Variants in TOR1AIP1 observed in about 807,000 individuals in gnomAD.
TOR1AIP1 encodes torsin 1A interacting protein 1, also known as torsin-1A-interacting protein 1.
Under a neutral mutation model 63.3 loss-of-function variants are expected in TOR1AIP1, and 54 were observed. That is an observed-to-expected ratio of 0.85 (90% confidence interval 0.69 to 1.07). The LOEUF is 1.07. Ranked by LOEUF, TOR1AIP1 falls within the 50% of genes least tolerant of loss-of-function variation. The probability of loss-of-function intolerance (pLI) is 0.00; values close to 1 mark genes in which losing one functional copy is unlikely to be tolerated. For missense variants in TOR1AIP1, 736 were observed against 715.0 expected, an observed-to-expected ratio of 1.03 and a Z score of -0.33; for synonymous variants, 294 against 273.5, an observed-to-expected ratio of 1.07 and a Z score of -0.74.
At chr1:179,902,226 A>G (rs577984526) in intron 5 of TOR1AIP1, among the ~76,000 whole-genome samples, 5 of 151,512 alleles carry the variant, frequency 3.3e-5, no homozygotes, top group African/African-American at 1.2e-4. Context: ...AGATTTCACC[A>G]TGTTGGCCAG....
At chr1:179,909,873 G>C (rs1648778286) in intron 8 of TOR1AIP1, among the ~76,000 whole-genome samples, 1 of 152,022 alleles carries the variant, frequency 6.6e-6, no homozygotes, top group South Asian at 2.1e-4. Context: ...GGTCATTCTT[G>C]TGCCTTAGCC....
chr1:179,899,675 T>C (rs1398877826), intron 3 of TOR1AIP1, among the ~76,000 whole-genome samples: 1 of 152,210 alleles, frequency 6.6e-6, no homozygotes, highest in African/African-American at 2.4e-5. Flanking sequence ...GACAGAGTCT[T>C]GCTCTGTCGC....
At chr1:179,913,474 C>A in intron 8 of TOR1AIP1, 1 of 656,664 alleles carries the variant, frequency 1.5e-6, no homozygotes, top group South Asian at 1.7e-5. Context: ...AATACTGAAT[C>A]AGTTTGAGGT....
At chr1:179,897,360 T>C (rs1648317073) in intron 3 of TOR1AIP1, among the ~76,000 whole-genome samples, 1 of 152,190 alleles carries the variant, frequency 6.6e-6, no homozygotes, top group Non-Finnish European at 1.5e-5. Flanking sequence ...AGAAAAAAGA[T>C]TGAATTTTAG....
At chr1:179,912,669 C>T (rs1022008131) in intron 8 of TOR1AIP1, among the ~76,000 whole-genome samples, 3 of 151,986 alleles carry the variant, frequency 2.0e-5, no homozygotes, top group African/African-American at 2.4e-5. Context: ...GTTGTAACTT[C>T]GATAACCTAA....
chr1:179,908,971 C>G (rs1648741815), intron 8 of TOR1AIP1, among the ~76,000 whole-genome samples: 1 of 152,078 alleles, frequency 6.6e-6, no homozygotes, highest in Admixed American at 6.6e-5. Flanking sequence ...CGAGACCATC[C>G]TGGCTAACAC....
chr1:179,902,792 G>A (rs549421431), intron 5 of TOR1AIP1, among the ~76,000 whole-genome samples: 67 of 152,234 alleles, frequency 4.4e-4, no homozygotes, highest in African/African-American at 1.6e-3. Flanking sequence ...TATATGCAAA[G>A]CACTTACCTG....
chr1:179,904,117 T>C, intron 6 of TOR1AIP1, 95 bp downstream of exon 6: 4 of 924,114 alleles, frequency 4.3e-6, no homozygotes, highest in Non-Finnish European at 6.5e-6. Flanking sequence ...ACGTAAATAT[T>C]GAACAAGAGG....
At position 179,889,297 on chromosome 1, in the gene TOR1AIP1, C is replaced by G. The variant is rs1647992888; in HGVS notation, c.554-16C>G. ...TTTTATATATTTTTAAATGTTTTCT[C>G]TTCCTATATTAGCAGTGAGTGAAGA... On this transcript the variant is annotated splice_polypyrimidine_tract_variant and intron_variant, in intron 2 of 9. Transcript: ENST00000606911. The G allele has an allele frequency of 6.4e-7, 1 of 1,568,744 alleles. No individual in the cohort carries two copies. Among genetic ancestry groups the G allele is most frequent in the African/African-American group, 1.3e-5 (1 of 74,162 alleles).
chr1:179,893,758 T>C (rs977828148), intron 3 of TOR1AIP1, among the ~76,000 whole-genome samples: 17 of 152,088 alleles, frequency 1.1e-4, no homozygotes, highest in African/African-American at 4.1e-4. Flanking sequence ...CTTAAAACTA[T>C]CTGTACCAGG....
rs1447692609 is a variant in TOR1AIP1, at chr1:179,919,891, A to G, written c.*1652A>G. 1 of 152,212 alleles carries G rather than the reference A, an allele frequency of 6.6e-6. No individual in the cohort carries two copies. 9.4% of individuals were successfully genotyped at this position (152,212 alleles called of 1,614,324 possible). On this transcript the variant is annotated 3_prime_UTR_variant, in exon 10 of 10. Coordinates refer to ENST00000606911, the MANE Select transcript of TOR1AIP1 (RefSeq NM_015602.4). ...AAAACCAGAGTTTTTGAAAAGGCTT[A>G]TTTTATACATACGTATTATATAGAG...
In TOR1AIP1 at chr1:179,890,983, A is replaced by G. The variant is rs368852125; in HGVS notation, c.610+1614A>G. 6.0e-4 allele frequency among the ~76,000 whole-genome samples: 91 copies of G among 152,276 alleles called. 1 individual carries two copies. In the South Asian group the frequency reaches 0.018, roughly 30 times the overall value. Reference sequence around the variant, plus strand: ...ATTAATAGAATACAAGAGTATATATATCTAGTCATTGGCTTGAGAATACTA... The same window carrying G: ...ATTAATAGAATACAAGAGTATATATGTCTAGTCATTGGCTTGAGAATACTA... On this transcript the variant is annotated intron_variant, in intron 3 of 9. Coordinates refer to ENST00000606911, the MANE Select transcript of TOR1AIP1 (RefSeq NM_015602.4).
chr1:179,897,058 G>A (rs986818817), intron 3 of TOR1AIP1, among the ~76,000 whole-genome samples: 1 of 152,002 alleles, frequency 6.6e-6, no homozygotes, highest in Non-Finnish European at 1.5e-5. Flanking sequence ...TTTGTTTTTA[G>A]TGATGGGATC....
In TOR1AIP1 at chr1:179,882,721, G is replaced by A. The variant is rs1376243024; in HGVS notation, c.219G>A (p.Leu73=). 23 of 1,613,822 alleles carry A rather than the reference G, an allele frequency of 1.4e-5. No individual in the cohort carries two copies. The highest frequency in any genetic ancestry group is 1.7e-5 in the Non-Finnish European group (20 of 1,179,844). The change falls in exon 1 of 10, where the codon CTG becomes CTA. Residue 73 remains leucine (L), a synonymous_variant. Coordinates refer to ENST00000606911, the MANE Select transcript of TOR1AIP1 (RefSeq NM_015602.4). ...AAGTGTACGGCGACTTCGAGCCCCT[G>A]GTGGCCAAAGAAAGGTCCCCGGTGG... ...PPEVYGDFEP[L]VAKERSPVGK... is the part of the protein sequence containing the mutation.
chr1:179,888,780 T>C (rs1275319066), intron 2 of TOR1AIP1, among the ~76,000 whole-genome samples: 1 of 152,236 alleles, frequency 6.6e-6, no homozygotes, highest in Non-Finnish European at 1.5e-5. Flanking sequence ...GCTTCTCCGC[T>C]ATCCCTATGC....
At chr1:179,890,533 G>T (rs1290327588) in intron 3 of TOR1AIP1, among the ~76,000 whole-genome samples, 1 of 152,098 alleles carries the variant, frequency 6.6e-6, no homozygotes, top group Non-Finnish European at 1.5e-5. Flanking sequence ...CTCTTGCTAT[G>T]TCTCTTGCAG....
chr1:179,903,137 G>A (rs1309309999), intron 5 of TOR1AIP1, among the ~76,000 whole-genome samples: 3 of 151,934 alleles, frequency 2.0e-5, no homozygotes, highest in Non-Finnish European at 4.4e-5. Flanking sequence ...TTTTTAAGAA[G>A]AGTAGACTGA....
At chr1:179,907,699 G>T in intron 6 of TOR1AIP1, 124 bp from the exon 7 acceptor site, 2 of 429,012 alleles carry the variant, frequency 4.7e-6, no homozygotes, top group East Asian at 4.4e-5. Flanking sequence ...GAATTGATGA[G>T]AGAATGTTTT....
chr1:179,891,798 T>G (rs1277589029), intron 3 of TOR1AIP1, among the ~76,000 whole-genome samples: 2 of 152,046 alleles, frequency 1.3e-5, no homozygotes, highest in African/African-American at 2.4e-5. Flanking sequence ...ACTCCTGACC[T>G]CAAGCAATCC....
Sources: allele counts gnomAD v4.1 joint callset (sites outside exome capture counted in the v4.1 genomes callset), GRCh38; gene constraint gnomAD v4.1.1; transcripts MANE v1.5; gene names NCBI Gene and HGNC (gene_info 2026-07-23, HGNC 2026-07-21).